TSSC4: variants seen among roughly 807,000 people sequenced by gnomAD.
TSSC4 encodes the protein tumor suppressing subtransferable candidate 4.
For synonymous variants in TSSC4, 259 were observed against 197.9 expected (o/e 1.31, Z -2.59); for missense variants, 500 against 443.9 (o/e 1.13, Z -1.14).
chr11:2,403,295 G>A lies in TSSC4; in HGVS notation c.662G>A (p.Gly221Glu), dbSNP rs1850224814. 6.2e-7 allele frequency: 1 copy of A among 1,612,476 alleles called. No homozygotes were observed. The highest frequency in any genetic ancestry group is 1.3e-5 in the African/African-American group (1 of 75,056). The stretch of plus-strand genomic sequence containing the variant: ...GTCATCTTCACCAAACCAGTCCGAG[G>A]GGTCGAAGCCAGACACGAGAGGAAG... ...GRVIFTKPVR[G>E]VEARHERKRV... Residue 221 changes from glycine (G) to glutamate (E), a missense_variant, in exon 3 of 3, where the codon GGG (glycine) becomes GAG (glutamate). Physicochemically the swap from Gly to Glu is moderately conservative, Grantham distance 98. Transcript: ENST00000333256.
rs1419637245 is a variant in TSSC4, at chr11:2,403,609, G to A, written c.976G>A (p.Gly326Ser). 7.2e-6 allele frequency: 11 copies of A among 1,523,356 alleles called. No homozygotes were observed. Among genetic ancestry groups the A allele is most frequent in the Non-Finnish European group, 9.7e-6 (11 of 1,136,340 alleles). 94.4% of individuals were successfully genotyped at this position (1,523,356 alleles called of 1,614,324 possible). Residue 326 changes from glycine to serine, a missense_variant, in exon 3 of 3, where the codon GGT (glycine) becomes AGT (serine). Gly to Ser is a moderately conservative substitution (Grantham distance 56). Coordinates refer to ENST00000333256, the MANE Select transcript of TSSC4 (RefSeq NM_005706.4). Reference protein sequence around the residue: ...RNKSSSPEDPGAEV With the variant: ...RNKSSSPEDPSAEV ...CAAGAGCAGCAGCCCCGAGGACCCA[G>A]GTGCTGAGGTCTGAGAGGGAGATGG...
Position 2,403,006 on chromosome 11 carries a change from C to T in TSSC4, c.373C>T (p.Pro125Ser). The T allele has an allele frequency of 6.2e-7, 1 of 1,607,942 alleles. No homozygotes were observed. Among genetic ancestry groups the T allele is most frequent in the Non-Finnish European group, 8.5e-7 (1 of 1,177,658 alleles). Residue 125 changes from proline (P) to serine (S), a missense_variant, in exon 3 of 3, where the codon CCC (proline) becomes TCC (serine). Physicochemically the swap from Pro to Ser is moderately conservative, Grantham distance 74. Coordinates refer to ENST00000333256, the MANE Select transcript of TSSC4 (RefSeq NM_005706.4). ...GAGTGACAACGGAGGCTTCAAGCGG[C>T]CCCTAGCGCCCTCAGGCCGGTCTCC... Reference protein sequence around the residue: ...SMSDNGGFKRPLAPSGRSPVE... With the variant: ...SMSDNGGFKRSLAPSGRSPVE...
At position 2,402,684 on chromosome 11, in the gene TSSC4, C is replaced by A. The variant is rs772817315; in HGVS notation, c.51C>A (p.His17Gln). The A allele has an allele frequency of 1.0e-5, 16 of 1,588,746 alleles. No homozygotes were observed. The East Asian group carries it at 3.4e-4, about 34-fold the overall frequency. The change falls in exon 3 of 3, where the codon CAC (histidine) becomes CAA (glutamine). Residue 17 changes from histidine (H) to glutamine (Q), a missense_variant. Coordinates refer to ENST00000333256, the MANE Select transcript of TSSC4 (RefSeq NM_005706.4). Reference protein sequence around the residue: ...GEPSPSVEGEHGTEYDTLPSD... With the variant: ...GEPSPSVEGEQGTEYDTLPSD... The stretch of plus-strand genomic sequence containing the variant: ...CGTCCCCCAGCGTGGAGGGCGAACA[C>A]GGGACGGAGTATGACACGCTGCCTT...
At position 2,403,484 on chromosome 11, in the gene TSSC4, T is replaced by G. The variant is rs765137626; in HGVS notation, c.851T>G (p.Leu284Arg). 6.2e-6 allele frequency: 10 copies of G among 1,600,166 alleles called. No homozygotes were observed. Among genetic ancestry groups the G allele is most frequent in the Non-Finnish European group, 8.5e-6 (10 of 1,172,798 alleles). The change falls in exon 3 of 3, where the codon CTG becomes CGG. Residue 284 changes from leucine to arginine, a missense_variant. Leu to Arg is a moderately radical substitution (Grantham distance 102). Coordinates refer to ENST00000333256, the MANE Select transcript of TSSC4 (RefSeq NM_005706.4). ...HHGGLQEVEA[L>R]SGSVHSGSVP... ...GGAGGCCTGCAGGAGGTGGAGGCAC[T>G]GTCAGGGTCTGTCCACAGTGGGTCT...
chr11:2,403,319 A>G lies in TSSC4; in HGVS notation c.686A>G (p.Lys229Arg), dbSNP rs1850226984. The change falls in exon 3 of 3, where the codon AAG becomes AGG. Residue 229 changes from lysine to arginine, a missense_variant. Transcript: ENST00000333256. ...GGGGTCGAAGCCAGACACGAGAGGA[A>G]GAGGGTCCTGGGGAAGGTGGGAGAG... is the stretch of plus-strand genomic sequence containing the variant. ...VRGVEARHER[K>R]RVLGKVGEPG... 2.5e-6 allele frequency: 4 copies of G among 1,612,416 alleles called. No individual in the cohort carries two copies. The South Asian group carries it at 3.3e-5, about 13-fold the overall frequency.
chr11:2,403,465 C>A lies in TSSC4; in HGVS notation c.832C>A (p.Leu278Met), dbSNP rs1418219285. The change falls in exon 3 of 3, where the codon CTG becomes ATG. Residue 278 changes from leucine (L) to methionine (M), a missense_variant. Transcript: ENST00000333256. ...AEEWGSHHGG[L>M]QEVEALSGSV... ...GGAGTGGGGCAGCCACCATGGAGGCCTGCAGGAGGTGGAGGCACTGTCAGG... is the reference window on the plus strand; with the variant it reads ...GGAGTGGGGCAGCCACCATGGAGGCATGCAGGAGGTGGAGGCACTGTCAGG... The A allele has an allele frequency of 1.3e-6, 2 of 1,597,242 alleles. No individual in the cohort carries two copies. Among genetic ancestry groups the A allele is most frequent in the Non-Finnish European group, 1.7e-6 (2 of 1,171,144 alleles).
chr11:2,403,705 C>T lies in TSSC4; in HGVS notation c.*82C>T, dbSNP rs1340025935. Reference sequence around the variant, plus strand: ...TGGGGCTGGTCAGGGGGCAGCCTGGCCACTGCCTAGCTGGAATGGGAGGAA... The same window carrying T: ...TGGGGCTGGTCAGGGGGCAGCCTGGTCACTGCCTAGCTGGAATGGGAGGAA... On this transcript the variant is annotated 3_prime_UTR_variant, in exon 3 of 3. Transcript: ENST00000333256. 3 of 1,365,324 alleles carry T rather than the reference C, an allele frequency of 2.2e-6. No homozygotes were observed. In the African/African-American group the frequency reaches 4.5e-5, roughly 20 times the overall value. 84.6% of individuals were successfully genotyped at this position (1,365,324 alleles called of 1,614,324 possible). A position where few individuals can be genotyped will look rare whatever the true frequency, so the allele number is the denominator to read the frequency against.
In TSSC4 at chr11:2,402,790, G is replaced by A; in HGVS notation, c.157G>A (p.Gly53Arg). 6.3e-7 allele frequency: 1 copy of A among 1,575,180 alleles called. No homozygotes were observed. The part of the protein sequence containing the change: ...GAEVEALSPM[G>R]LPGEEDSGPD... ...TGAAGTGGAAGCACTGTCCCCGATGGGGCTGCCTGGGGAGGAGGATTCAGG... is the reference window on the plus strand; with the variant it reads ...TGAAGTGGAAGCACTGTCCCCGATGAGGCTGCCTGGGGAGGAGGATTCAGG... The change falls in exon 3 of 3, where the codon GGG becomes AGG. Residue 53 changes from glycine to arginine, a missense_variant. Coordinates refer to ENST00000333256, the MANE Select transcript of TSSC4 (RefSeq NM_005706.4).
chr11:2,402,943 G>A lies in TSSC4; in HGVS notation c.310G>A (p.Ala104Thr). Reference protein sequence around the residue: ...RDIFDCLEGAARRAPSSVAHT... With the variant: ...RDIFDCLEGATRRAPSSVAHT... ...CATCTTTGACTGCCTGGAGGGGGCG[G>A]CCAGACGGGCTCCATCCTCTGTGGC... Residue 104 changes from alanine to threonine, a missense_variant, in exon 3 of 3, where the codon GCC becomes ACC. Physicochemically the swap from Ala to Thr is moderately conservative, Grantham distance 58. Coordinates refer to ENST00000333256, the MANE Select transcript of TSSC4 (RefSeq NM_005706.4). 6.2e-7 allele frequency: 1 copy of A among 1,610,776 alleles called. No homozygotes were observed. The highest frequency in any genetic ancestry group is 8.5e-7 in the Non-Finnish European group (1 of 1,179,144).
chr11:2,403,548 T>C lies in TSSC4; in HGVS notation c.915T>C (p.His305=). ...GLPPVETVGF[H]GSRKRSRDHF... ...CGCCGGTGGAAACTGTTGGCTTCCATGGCAGCAGGAAGCGGAGTCGAGACC... is the reference window on the plus strand; with the variant it reads ...CGCCGGTGGAAACTGTTGGCTTCCACGGCAGCAGGAAGCGGAGTCGAGACC... The change falls in exon 3 of 3, where the codon CAT becomes CAC. Residue 305 remains histidine, a synonymous_variant. Transcript: ENST00000333256. 1 of 1,586,702 alleles carries C rather than the reference T, an allele frequency of 6.3e-7. No homozygotes were observed. Among genetic ancestry groups the C allele is most frequent in the South Asian group, 1.1e-5 (1 of 87,148 alleles).
In TSSC4 at chr11:2,403,240, C is replaced by T. The variant is rs1465297901; in HGVS notation, c.607C>T (p.Gln203Ter). The stretch of plus-strand genomic sequence containing the variant: ...CACTGACTGCGTGTCCTCCTTCAAC[C>T]AGGATCCCTCCAGCTGTGGGGAGGG... Reference protein sequence around the residue: ...APTDCVSSFNQDPSSCGEGRV... With the variant: ...APTDCVSSFN Residue 203 changes from glutamine (Q) to a stop codon, truncating the protein, a stop_gained, in exon 3 of 3, where the codon CAG (glutamine) becomes TAG (stop). Coordinates refer to ENST00000333256, the MANE Select transcript of TSSC4 (RefSeq NM_005706.4). LOFTEE classifies it low-confidence loss of function (END_TRUNC). 6.2e-7 allele frequency: 1 copy of T among 1,612,758 alleles called. No individual in the cohort carries two copies. The highest frequency in any genetic ancestry group is 1.3e-5 in the African/African-American group (1 of 74,950).
chr11:2,402,684 C>G lies in TSSC4; in HGVS notation c.51C>G (p.His17Gln), dbSNP rs772817315. Residue 17 changes from histidine (H) to glutamine (Q), a missense_variant, in exon 3 of 3, where the codon CAC (histidine) becomes CAG (glutamine). His to Gln is a conservative substitution (Grantham distance 24). Coordinates refer to ENST00000333256, the MANE Select transcript of TSSC4 (RefSeq NM_005706.4). The part of the protein sequence containing the change: ...GEPSPSVEGE[H>Q]GTEYDTLPSD... ...CGTCCCCCAGCGTGGAGGGCGAACA[C>G]GGGACGGAGTATGACACGCTGCCTT... 3.8e-6 allele frequency: 6 copies of G among 1,588,864 alleles called. No homozygotes were observed. The South Asian group carries it at 6.8e-5, about 18-fold the overall frequency.
chr11:2,402,370 A>G lies in TSSC4; in HGVS notation c.-104A>G, dbSNP rs1405631144. 21 of 507,990 alleles carry G rather than the reference A, an allele frequency of 4.1e-5. No homozygotes were observed. Among genetic ancestry groups the G allele is most frequent in the Non-Finnish European group, 7.1e-5 (20 of 283,520 alleles). 31.5% of individuals were successfully genotyped at this position (507,990 alleles called of 1,614,324 possible). A position where few individuals can be genotyped will look rare whatever the true frequency, so the allele number is the denominator to read the frequency against. On this transcript the variant is annotated 5_prime_UTR_variant, in exon 2 of 3. Coordinates refer to ENST00000333256, the MANE Select transcript of TSSC4 (RefSeq NM_005706.4). ...CACGCCTGTGCCGCTGAGGACCTTCATCAGGGCTCCGTCCACTTGGCCCGC... is the reference window on the plus strand; with the variant it reads ...CACGCCTGTGCCGCTGAGGACCTTCGTCAGGGCTCCGTCCACTTGGCCCGC...
Position 2,402,378 on chromosome 11 carries a change from T to C in TSSC4, c.-96T>C, listed in dbSNP as rs915946779. 27 of 522,504 alleles carry C rather than the reference T, an allele frequency of 5.2e-5. 1 individual carries two copies. The highest frequency in any genetic ancestry group is 1.9e-4 in the South Asian group (8 of 41,420). The allele number at this position is 522,504 out of a possible 1,614,324, so 32.4% of individuals were successfully genotyped here. A position where few individuals can be genotyped will look rare whatever the true frequency, so the allele number is the denominator to read the frequency against. On this transcript the variant is annotated 5_prime_UTR_variant, in exon 2 of 3. Transcript: ENST00000333256. The stretch of plus-strand genomic sequence containing the variant: ...TGCCGCTGAGGACCTTCATCAGGGC[T>C]CCGTCCACTTGGCCCGCTTGGCTGT...
chr11:2,402,252 C>G (rs551975121), intron 1 of TSSC4, 42 bp from the exon 2 acceptor site: 2 of 235,604 alleles, frequency 8.5e-6, no homozygotes, highest in South Asian at 6.7e-5. Flanking sequence ...ATGTACACTC[C>G]GGTCTGAGGT....
chr11:2,402,990 C>T lies in TSSC4; in HGVS notation c.357C>T (p.Asn119=), dbSNP rs142339475. The part of the protein sequence containing the change: ...SSVAHTSMSD[N]GGFKRPLAPS... ...TGGCCCACACCAGCATGAGTGACAACGGAGGCTTCAAGCGGCCCCTAGCGC... is the reference window on the plus strand; with the variant it reads ...TGGCCCACACCAGCATGAGTGACAATGGAGGCTTCAAGCGGCCCCTAGCGC... The change falls in exon 3 of 3, where the codon AAC becomes AAT. Residue 119 remains asparagine, a synonymous_variant. Coordinates refer to ENST00000333256, the MANE Select transcript of TSSC4 (RefSeq NM_005706.4). 90 of 1,608,826 alleles carry T rather than the reference C, an allele frequency of 5.6e-5. No individual in the cohort carries two copies. Among genetic ancestry groups the T allele is most frequent in the Middle Eastern group, 3.3e-4 (2 of 6,078 alleles).
rs770046712 is a variant in TSSC4, at chr11:2,402,936, G to C, written c.303G>C (p.Glu101Asp). 3 of 1,611,460 alleles carry C rather than the reference G, an allele frequency of 1.9e-6. No homozygotes were observed. The highest frequency in any genetic ancestry group is 1.7e-5 in the Admixed American group (1 of 59,898). Residue 101 changes from glutamate (E) to aspartate (D), a missense_variant, in exon 3 of 3, where the codon GAG (glutamate) becomes GAC (aspartate). Glu to Asp is a conservative substitution (Grantham distance 45). Transcript: ENST00000333256. ...GCCGTGACATCTTTGACTGCCTGGA[G>C]GGGGCGGCCAGACGGGCTCCATCCT... ...QRSRDIFDCL[E>D]GAARRAPSSV...
Position 2,401,664 on chromosome 11 carries a change from CT to C in TSSC4, c.-180-623del, listed in dbSNP as rs530730369. ...GTGCAGAAGGGTGTGGCTGGGCCGT[CT>C]TTTTTTGCCTGGAAATTCAAGTTCT... On this transcript the variant is annotated intron_variant, in intron 1 of 2. Transcript: ENST00000333256. Among the ~76,000 whole-genome samples, 225 of 152,270 alleles carry C rather than the reference CT, an allele frequency of 1.5e-3. 7 individuals are homozygous for C. In the South Asian group the frequency reaches 0.04, roughly 27 times the overall value.
In TSSC4 at chr11:2,402,352, G is replaced by A; in HGVS notation, c.-122G>A. The stretch of plus-strand genomic sequence containing the variant: ...TCCGAGGCCTGAGACGACCACGCCT[G>A]TGCCGCTGAGGACCTTCATCAGGGC... On this transcript the variant is annotated 5_prime_UTR_variant, in exon 2 of 3. It adds an upstream start codon to the 5' untranslated region. Coordinates refer to ENST00000333256, the MANE Select transcript of TSSC4 (RefSeq NM_005706.4). The A allele has an allele frequency of 2.1e-6, 1 of 473,742 alleles. No homozygotes were observed. The highest frequency in any genetic ancestry group is 2.7e-5 in the South Asian group (1 of 37,352). The allele number at this position is 473,742 out of a possible 1,614,324, so 29.3% of individuals were successfully genotyped here. A position where few individuals can be genotyped will look rare whatever the true frequency, so the allele number is the denominator to read the frequency against.
Sources: gnomAD v4.1 joint callset for allele counts (sites outside exome capture counted in the v4.1 genomes callset) on GRCh38, gnomAD v4.1.1 for gene constraint, MANE v1.5 for transcripts, NCBI Gene and HGNC (gene_info 2026-07-23, HGNC 2026-07-21) for gene names.